Variants in TMEM165 observed in about 807,000 individuals in gnomAD.
TMEM165 encodes putative divalent cation/proton antiporter TMEM165.
TMEM165 carries 19 observed loss-of-function variants against 30.0 expected under a neutral mutation model. The observed-to-expected ratio is 0.63, with a 90% CI of 0.44 to 0.93. The LOEUF (loss-of-function observed/expected upper bound fraction) is 0.93. TMEM165 is among the 40% of genes least tolerant of loss of function. The pLI is 0.00. For synonymous variants in TMEM165, 168 were observed against 162.9 expected (o/e 1.03, Z -0.24); for missense variants, 340 against 417.0 (o/e 0.82, Z 1.61).
chr4:55,403,516 A>ATTTTTTTTTTT (rs1398677528), intron 1 of TMEM165, among the ~76,000 whole-genome samples: 2 of 128,518 alleles, frequency 1.6e-5, no homozygotes, highest in Admixed American at 7.8e-5. Context: ...TTTTTTTACA[A>ATTTTTTTTTTT]TTTTTACATT....
intron 1 of TMEM165, among the ~76,000 whole-genome samples, chr4:55,402,423 AT>A (rs1721049574): frequency 1.8e-5 from 1 of 54,218 alleles, no homozygotes; most frequent in Admixed American, 3.2e-4. Flanking sequence ...ATATATATAT[AT>A]ATATATATAT....
chr4:55,431,356 G>C (rs1708907124), intron 3 of TMEM165: 1 of 152,140 alleles, frequency 6.6e-6, no homozygotes, highest in African/African-American at 2.4e-5. Flanking sequence ...TCCTATTATA[G>C]TTATATACAA....
intron 3 of TMEM165, chr4:55,449,466 C>T: frequency 1.2e-6 from 2 of 1,614,006 alleles, no homozygotes; most frequent in Non-Finnish European, 1.7e-6. Flanking sequence ...GGGTGGAGTG[C>T]TCGTATCCGT....
chr4:55,423,131 C>G (rs1722052491), intron 4 of TMEM165: 1 of 152,146 alleles, frequency 6.6e-6, no homozygotes, highest in African/African-American at 2.4e-5. Flanking sequence ...GACGGGATCT[C>G]GCTGTACTGC....
chr4:55,408,184 CTT>C (rs1160479724), intron 1 of TMEM165, among the ~76,000 whole-genome samples: 1 of 152,174 alleles, frequency 6.6e-6, no homozygotes, highest in Non-Finnish European at 1.5e-5. Context: ...GTTTTAAGTT[CTT>C]GTCACCATGA....
rs968041846 is a variant in TMEM165 at position 55,425,627 on chromosome 4, G to A, written c.*175G>A. On this transcript the variant is annotated 3_prime_UTR_variant, in exon 6 of 6. Transcript: ENST00000381334. ...TCATTGATTCTATTTGTAACAAGGA[G>A]TTTTAAAAGAAACCTGACTTCTAAG... 1 of 536,442 alleles carries A rather than the reference G, an allele frequency of 1.9e-6. No homozygotes were observed. The highest frequency in any genetic ancestry group is 1.9e-5 in the African/African-American group (1 of 51,522). 33.2% of individuals were successfully genotyped at this position (536,442 alleles called of 1,614,324 possible).
At chr4:55,424,408 C>T (rs1241107158) in intron 4 of TMEM165, 130 bp from the exon 5 acceptor site, 1 of 610,928 alleles carries the variant, frequency 1.6e-6, no homozygotes, top group African/African-American at 1.9e-5. Context: ...ATTTATTATA[C>T]ACCTGCATTT....
intron 1 of TMEM165, among the ~76,000 whole-genome samples, chr4:55,402,403 G>GTATATATATATATATATATA: frequency 2.1e-5 from 1 of 48,184 alleles, no homozygotes; most frequent in South Asian, 6.9e-4. Context: ...GTGTGTGTGT[G>GTATATATATATATATATATA]TATATATATA....
chr4:55,452,790 T>A (rs1010657313), exon 4 of TMEM165: 1 of 276,942 alleles, frequency 3.6e-6, no homozygotes, highest in East Asian at 7.2e-5. Context: ...ATAATTCATA[T>A]AAATAACCTA....
At chr4:55,418,436 A>T (rs577086950) in intron 4 of TMEM165, among the ~76,000 whole-genome samples, 39 of 151,246 alleles carry the variant, frequency 2.6e-4, no homozygotes, top group African/African-American at 9.5e-4. Flanking sequence ...AGGTGGGAGG[A>T]TTGCTTGAGC....
At chr4:55,449,608 A>C in intron 3 of TMEM165, 1 of 914,958 alleles carries the variant, frequency 1.1e-6, no homozygotes, top group South Asian at 1.4e-5. Context: ...TATTTTTCCA[A>C]ACCATTCAAT....
intron 1 of TMEM165, among the ~76,000 whole-genome samples, chr4:55,408,079 A>G (rs1399632381): frequency 2.0e-5 from 3 of 152,228 alleles, no homozygotes; most frequent in East Asian, 3.8e-4. Flanking sequence ...ATCCTTGCAC[A>G]TAGCAGTGAA....
chr4:55,448,588 G>A (rs556586602), intron 3 of TMEM165, among the ~76,000 whole-genome samples: 51 of 80,138 alleles, frequency 6.4e-4, no homozygotes, highest in African/African-American at 1.3e-3. Flanking sequence ...ATATGTGCGC[G>A]CGCGCACGCG....
At chr4:55,411,044 A>C (rs140802306) in intron 1 of TMEM165, among the ~76,000 whole-genome samples, 3,428 of 151,548 alleles carry the variant, frequency 0.023, 140 homozygotes, top group African/African-American at 0.079. Context: ...CTGAGGCAGG[A>C]GAATCGCTTG....
At chr4:55,417,544 G>C (rs41279539) in intron 3 of TMEM165, 36 of 520,834 alleles carry the variant, frequency 6.9e-5, no homozygotes, top group Non-Finnish European at 1.1e-4. Flanking sequence ...TGTTTCTCCC[G>C]TGGTGTCTAG....
At chr4:55,443,831 T>A (rs2109693514) in intron 3 of TMEM165, 2 of 1,613,916 alleles carry the variant, frequency 1.2e-6, no homozygotes, top group Middle Eastern at 1.7e-4. Context: ...GGATATTAGA[T>A]GAATTTCCAG....
At chr4:55,446,559 T>C (rs979548046) in intron 3 of TMEM165, among the ~76,000 whole-genome samples, 5 of 152,220 alleles carry the variant, frequency 3.3e-5, no homozygotes, top group African/African-American at 1.2e-4. Flanking sequence ...CAGATAAGTA[T>C]AGAACATGGG....
chr4:55,443,719 G>GT, intron 3 of TMEM165: 1 of 1,614,080 alleles, frequency 6.2e-7, no homozygotes, highest in Non-Finnish European at 8.5e-7. Context: ...GTCTGTTGTT[G>GT]TATCATGTGC....
intron 2 of TMEM165, among the ~76,000 whole-genome samples, chr4:55,416,466 G>A (rs936403416): frequency 5.9e-5 from 9 of 152,258 alleles, no homozygotes; most frequent in African/African-American, 2.2e-4. Context: ...TTATCAGTGG[G>A]AAAGAGTGGA....
Sources: allele counts gnomAD v4.1 joint callset (sites outside exome capture counted in the v4.1 genomes callset), GRCh38; gene constraint gnomAD v4.1.1; transcripts MANE v1.5; gene names NCBI Gene and HGNC (gene_info 2026-07-23, HGNC 2026-07-21).